The following PCBP3 variants were observed in gnomAD, a reference collection of about 807,000 sequenced individuals.
The protein encoded by PCBP3 is poly(rC) binding protein 3, also known as poly(rC)-binding protein 3.
Under a neutral mutation model 52.7 loss-of-function variants are expected in PCBP3, and 25 were observed. The ratio of observed to expected loss-of-function variants is 0.47; its 90% CI spans 0.35 to 0.66. The LOEUF is 0.66. PCBP3 is among the 30% of genes least tolerant of loss of function. The pLI is 0.01. For missense variants in PCBP3, 391 were observed against 490.3 expected, an observed-to-expected ratio of 0.80 and a Z score of 1.91; for synonymous variants, 162 against 183.0, an observed-to-expected ratio of 0.89 and a Z score of 0.93.
At chr21:45,703,696 AAGG>A (rs1016241864) in intron 2 of PCBP3, among the ~76,000 whole-genome samples, 4 of 152,144 alleles carry the variant, frequency 2.6e-5, no homozygotes, top group African/African-American at 9.7e-5. Flanking sequence ...TGAACAGAAG[AAGG>A]AGCACATTCA....
intron 4 of PCBP3, among the ~76,000 whole-genome samples, chr21:45,804,140 G>A (rs1603435111): frequency 6.6e-6 from 1 of 152,230 alleles, no homozygotes; most frequent in East Asian, 1.9e-4. Flanking sequence ...TGCTGCCCGC[G>A]TGGCTGTAGT....
chr21:45,739,263 GCCCCCTGGATGGCCCCCCCA>G, intron 3 of PCBP3, among the ~76,000 whole-genome samples: 1 of 100,006 alleles, frequency 1.0e-5, no homozygotes, highest in African/African-American at 4.1e-5. Context: ...CCTGTCCATG[GCCCCCTGGATGGCCCCCCCA>G]TCTTCATCAG....
intron 5 of PCBP3, among the ~76,000 whole-genome samples, chr21:45,873,835 A>T (rs1417206327): frequency 6.6e-6 from 1 of 152,180 alleles, no homozygotes; most frequent in Non-Finnish European, 1.5e-5. Flanking sequence ...TCGCTCTGTC[A>T]CCTAGGCTGC....
At chr21:45,914,331 G>T in intron 12 of PCBP3, 1 of 513,394 alleles carries the variant, frequency 1.9e-6, no homozygotes, top group Non-Finnish European at 3.4e-6. Context: ...TTAGATAGCC[G>T]GCGCGCAGGC....
At chr21:45,763,815 C>G (rs2088977174) in intron 4 of PCBP3, 1 of 152,480 alleles carries the variant, frequency 6.6e-6, no homozygotes, top group South Asian at 2.1e-4. Context: ...GGCCCCCTTC[C>G]TCTCTCTCCC....
At chr21:45,903,184 G>C (rs533105212) in intron 9 of PCBP3, among the ~76,000 whole-genome samples, 1 of 152,276 alleles carries the variant, frequency 6.6e-6, no homozygotes, top group East Asian at 1.9e-4. Flanking sequence ...CTGGGGAAGG[G>C]CTGTTGCTCA....
At chr21:45,647,333 T>A (rs1375379455) in intron 1 of PCBP3, among the ~76,000 whole-genome samples, 4 of 152,232 alleles carry the variant, frequency 2.6e-5, no homozygotes, top group Non-Finnish European at 5.9e-5. Flanking sequence ...TATGCTATGA[T>A]CTGGGAACCC....
intron 1 of PCBP3, among the ~76,000 whole-genome samples, chr21:45,662,950 A>C (rs1057344505): frequency 2.0e-5 from 3 of 151,964 alleles, no homozygotes; most frequent in Non-Finnish European, 2.9e-5. Flanking sequence ...CTACTACACC[A>C]CCTCTTGTGG....
chr21:45,826,272 A>T (rs900606143), intron 4 of PCBP3, among the ~76,000 whole-genome samples: 1 of 152,030 alleles, frequency 6.6e-6, no homozygotes, highest in East Asian at 1.9e-4. Flanking sequence ...AAAAAAAAAA[A>T]ATTAAATTAA....
chr21:45,653,357 T>G (rs2146883375), intron 1 of PCBP3, among the ~76,000 whole-genome samples: 1 of 152,326 alleles, frequency 6.6e-6, no homozygotes, highest in East Asian at 1.9e-4. Flanking sequence ...TTTGTCTTAT[T>G]TTTTCTAGCA....
chr21:45,820,059 C>T (rs1408107334), intron 4 of PCBP3, among the ~76,000 whole-genome samples: 2 of 152,250 alleles, frequency 1.3e-5, no homozygotes, highest in Non-Finnish European at 2.9e-5. Context: ...GCGGGTCTTC[C>T]CTGGAGACTG....
At chr21:45,715,697 A>G (rs2084171918) in intron 2 of PCBP3, among the ~76,000 whole-genome samples, 1 of 152,224 alleles carries the variant, frequency 6.6e-6, no homozygotes, top group African/African-American at 2.4e-5. Flanking sequence ...GAAGTAGTAT[A>G]TCAGTGTTAT....
chr21:45,799,645 T>C (rs2092209268), intron 4 of PCBP3, among the ~76,000 whole-genome samples: 1 of 151,876 alleles, frequency 6.6e-6, no homozygotes, highest in Non-Finnish European at 1.5e-5. Context: ...CAGATGATGC[T>C]GTGACCCCGG....
At chr21:45,681,810 TATG>T in intron 2 of PCBP3, among the ~76,000 whole-genome samples, 1 of 152,180 alleles carries the variant, frequency 6.6e-6, no homozygotes, top group African/African-American at 2.4e-5. Flanking sequence ...TTCTGGAAAA[TATG>T]ATAACCAAAA....
At chr21:45,677,678 A>G (rs2081555534) in intron 2 of PCBP3, among the ~76,000 whole-genome samples, 1 of 152,232 alleles carries the variant, frequency 6.6e-6, no homozygotes, top group South Asian at 2.1e-4. Context: ...CTCTTTTGTT[A>G]GGGCCTAATG....
Position 45,935,247 on chromosome 21 carries a change from A to G in PCBP3, c.857-6A>G, listed in dbSNP as rs2076763301. On this transcript the variant is annotated splice_region_variant and splice_polypyrimidine_tract_variant and intron_variant, in intron 15 of 17. Coordinates refer to ENST00000681687, the MANE Select transcript of PCBP3 (RefSeq NM_001384156.1). ...CAGCCTAACCATGTCCCCTTGGTAT[A>G]CCCAGGTCTGGACGCCAGCCCACCG... 3.1e-6 allele frequency: 5 copies of G among 1,608,974 alleles called. No homozygotes were observed. The highest frequency in any genetic ancestry group is 4.2e-6 in the Non-Finnish European group (5 of 1,176,712).
rs369292432 is a variant in PCBP3, at chr21:45,747,640, G to A, written c.-161-7777G>A. On this transcript the variant is annotated intron_variant, in intron 3 of 17. Coordinates refer to ENST00000681687, the MANE Select transcript of PCBP3 (RefSeq NM_001384156.1). ...AGGTCTTGGCCGGCTGGGGCAGGGC[G>A]TTTTCACATGCTCTCAGTCACAGAG... 8.5e-5 allele frequency among the ~76,000 whole-genome samples: 13 copies of A among 152,380 alleles called. No homozygotes were observed. In the East Asian group the frequency reaches 1.9e-3, roughly 23 times the overall value.
At chr21:45,780,573 C>G (rs2090563371) in intron 4 of PCBP3, among the ~76,000 whole-genome samples, 1 of 152,124 alleles carries the variant, frequency 6.6e-6, no homozygotes. Context: ...TTATTCTTGC[C>G]AGGGTGGCCA....
At chr21:45,925,171 T>C (rs1345552426) in intron 13 of PCBP3, among the ~76,000 whole-genome samples, 2 of 146,892 alleles carry the variant, frequency 1.4e-5, no homozygotes, top group Admixed American at 6.8e-5. Flanking sequence ...AACAGTCGAG[T>C]GGGTAGAAAC....
Sources: gnomAD v4.1 joint callset for allele counts (sites outside exome capture counted in the v4.1 genomes callset) on GRCh38, gnomAD v4.1.1 for gene constraint, MANE v1.5 for transcripts, NCBI Gene and HGNC (gene_info 2026-07-23, HGNC 2026-07-21) for gene names.